CSN2: variants seen among roughly 807,000 people sequenced by gnomAD.
CSN2 encodes the protein beta-casein.
Under a neutral mutation model 27.3 loss-of-function variants are expected in CSN2, and 27 were observed. That is an observed-to-expected ratio of 0.99 (90% CI 0.73 to 1.36). CSN2 has a LOEUF of 1.36. Among genes scored for constraint, CSN2 ranks in the 40% most tolerant of loss-of-function variants. The pLI, the probability that CSN2 is intolerant of heterozygous loss-of-function variation, is 0.00. For missense variants in CSN2, 333 were observed against 264.5 expected, an observed-to-expected ratio of 1.26 and a Z score of -1.80; for synonymous variants, 131 against 94.8, an observed-to-expected ratio of 1.38 and a Z score of -2.22.
intron 1 of CSN2, among the ~76,000 whole-genome samples, chr4:69,964,627 C>T (rs187772763): frequency 6.6e-6 from 1 of 151,048 alleles, no homozygotes; most frequent in African/African-American, 2.4e-5. Context: ...CTATAAGTTC[C>T]CAAATTTTTA....
intron 5 of CSN2, among the ~76,000 whole-genome samples, chr4:69,958,650 C>G (rs902625004): frequency 6.6e-6 from 1 of 151,914 alleles, no homozygotes; most frequent in East Asian, 1.9e-4. Context: ...CCAATGTGTA[C>G]TTGTTGAAAA....
intron 1 of CSN2, among the ~76,000 whole-genome samples, chr4:69,963,021 C>A (rs1390224535): frequency 1.3e-5 from 2 of 152,056 alleles, no homozygotes; most frequent in Non-Finnish European, 2.9e-5. Flanking sequence ...AAATGCAAAT[C>A]AAAACCACAA....
chr4:69,956,851 A>T (rs1723411965), intron 6 of CSN2, among the ~76,000 whole-genome samples: 1 of 152,180 alleles, frequency 6.6e-6, no homozygotes, highest in Non-Finnish European at 1.5e-5. Flanking sequence ...AACTAGAACA[A>T]TTATATCAGA....
At chr4:69,959,096 G>T in intron 3 of CSN2, 27 bp from the exon 4 acceptor site, 1 of 1,275,924 alleles carries the variant, frequency 7.8e-7, no homozygotes, top group Non-Finnish European at 1.1e-6. Context: ...AATAAAATTA[G>T]GTTTAGTTTT....
In CSN2 at chr4:69,960,962, G is replaced by C; in HGVS notation, c.34C>G (p.Leu12Val). 6.2e-7 allele frequency: 1 copy of C among 1,612,854 alleles called. No individual in the cohort carries two copies. Among genetic ancestry groups the C allele is most frequent in the Non-Finnish European group, 8.5e-7 (1 of 1,179,234 alleles). The change falls in exon 2 of 8, where the codon CTT becomes GTT. Residue 12 changes from leucine to valine, a missense_variant. Leu to Val is a conservative substitution (Grantham distance 32). Transcript: ENST00000353151. ...GCACATACCTCCCTTGCAAGAGCAAGAGCCACCAGGCAGGCGAGGATGAGG... is the reference window on the plus strand; with the variant it reads ...GCACATACCTCCCTTGCAAGAGCAACAGCCACCAGGCAGGCGAGGATGAGG... The part of the protein sequence containing the change: ...KVLILACLVA[L>V]ALARETIESL...
Position 69,957,794 on chromosome 4 carries a change from T to C in CSN2, c.155A>G (p.Gln52Arg). Residue 52 changes from glutamine (Q) to arginine (R), a missense_variant, in exon 6 of 8, where the codon CAG becomes CGG. Physicochemically the swap from Gln to Arg is conservative, Grantham distance 43 (BLOSUM62 1). Coordinates refer to ENST00000353151, the MANE Select transcript of CSN2 (RefSeq NM_001891.4). ...CTGGAAAGAGGGGTAGATTTTATCCTGGTGTTCATCCTGGAAAGAAGGAAA... is the reference window on the plus strand; with the variant it reads ...CTGGAAAGAGGGGTAGATTTTATCCCGGTGTTCATCCTGGAAAGAAGGAAA... Reference protein sequence around the residue: ...EDQQQGEDEHQDKIYPSFQPQ... With the variant: ...EDQQQGEDEHRDKIYPSFQPQ... 1 of 1,612,172 alleles carries C rather than the reference T, an allele frequency of 6.2e-7. No individual in the cohort carries two copies. Among genetic ancestry groups the C allele is most frequent in the South Asian group, 1.1e-5 (1 of 90,944 alleles).
intron 3 of CSN2, 71 bp from the exon 4 acceptor site, chr4:69,959,140 TA>T: frequency 9.3e-7 from 1 of 1,075,428 alleles, no homozygotes; most frequent in Non-Finnish European, 1.3e-6. Flanking sequence ...AATCAGGAAA[TA>T]AAGGCATTAA....
Position 69,956,328 on chromosome 4 carries a change from G to A in CSN2, c.*22C>T. 7.1e-7 allele frequency: 1 copy of A among 1,403,034 alleles called. No individual in the cohort carries two copies. The highest frequency in any genetic ancestry group is 9.4e-7 in the Non-Finnish European group (1 of 1,060,890). 86.9% of individuals were successfully genotyped at this position (1,403,034 alleles called of 1,614,324 possible). On this transcript the variant is annotated 3_prime_UTR_variant, in exon 7 of 8. Transcript: ENST00000353151. The stretch of plus-strand genomic sequence containing the variant: ...CCAAAACTTACCAAAAATAAGGAGG[G>A]AAAATTAACTTTGAAATCTTCTTAG...
Position 69,957,446 on chromosome 4 carries a change from A to G in CSN2, c.503T>C (p.Leu168Pro), listed in dbSNP as rs1723436425. 1 of 1,613,682 alleles carries G rather than the reference A, an allele frequency of 6.2e-7. No homozygotes were observed. The highest frequency in any genetic ancestry group is 8.5e-7 in the Non-Finnish European group (1 of 1,179,880). ...PQTLALPPQP[L>P]WSVPQPKVLP... is the part of the protein sequence containing the mutation. ...GACTTTGGGCTGAGGAACAGACCAC[A>G]GGGGCTGAGGGGGAAGTGCAAGAGT... The change falls in exon 6 of 8, where the codon CTG becomes CCG. Residue 168 changes from leucine to proline, a missense_variant. Coordinates refer to ENST00000353151, the MANE Select transcript of CSN2 (RefSeq NM_001891.4).
rs958193984 is a variant in CSN2, at chr4:69,960,069, C to A, written c.62G>T (p.Ser21Ile). 4.3e-6 allele frequency: 7 copies of A among 1,611,424 alleles called. No homozygotes were observed. The highest frequency in any genetic ancestry group is 5.9e-6 in the Non-Finnish European group (7 of 1,178,578). The stretch of plus-strand genomic sequence containing the variant: ...TTAACTTACCTCACTGCTTGAAAGG[C>A]TTTCTATGGTCTGTGGGAAAAAAAA... ...ALALARETIE[S>I]LSSSEESITE... The change falls in exon 3 of 8, where the codon AGC (serine) becomes ATC (isoleucine). Residue 21 changes from serine to isoleucine, a missense_variant. Coordinates refer to ENST00000353151, the MANE Select transcript of CSN2 (RefSeq NM_001891.4).
Position 69,957,664 on chromosome 4 carries a change from C to T in CSN2, c.285G>A (p.Gln95=), listed in dbSNP as rs1265509924. The T allele has an allele frequency of 6.2e-7, 1 of 1,613,928 alleles. No individual in the cohort carries two copies. Among genetic ancestry groups the T allele is most frequent in the Non-Finnish European group, 8.5e-7 (1 of 1,179,990 alleles). ...CTTTAGGGACTTCCATTATTTCAGG[C>T]TGAGGGACAGGCAGCACCACAGCAG... The part of the protein sequence containing the change: ...AQPAVVLPVP[Q]PEIMEVPKAK... The change falls in exon 6 of 8, where the codon CAG becomes CAA. Residue 95 remains glutamine (Q), a synonymous_variant. Transcript: ENST00000353151.
chr4:69,958,245 G>A (rs1723466220), intron 5 of CSN2, among the ~76,000 whole-genome samples: 1 of 151,970 alleles, frequency 6.6e-6, no homozygotes, highest in African/African-American at 2.4e-5. Context: ...GTTTTGTTTT[G>A]GTTTGATGAA....
intron 3 of CSN2, 23 bp from the exon 4 acceptor site, chr4:69,959,092 A>G (rs1723489811): frequency 3.1e-6 from 4 of 1,300,002 alleles, no homozygotes; most frequent in Admixed American, 4.8e-5. Context: ...ATAAAATAAA[A>G]TTAGGTTTAG....
At chr4:69,956,231 T>A in intron 7 of CSN2, 83 bp downstream of exon 7, 1 of 985,160 alleles carries the variant, frequency 1.0e-6, no homozygotes, top group South Asian at 4.2e-5. Flanking sequence ...TTTCACTGTA[T>A]TGGACTTCTC....
chr4:69,959,914 T>G, intron 3 of CSN2, 139 bp downstream of exon 3: 1 of 655,876 alleles, frequency 1.5e-6, no homozygotes, highest in Non-Finnish European at 2.6e-6. Flanking sequence ...TTATTGTCCT[T>G]AAACACACAT....
In CSN2 at chr4:69,961,019, GA is replaced by G. The variant is rs760790800; in HGVS notation, c.-12-13del. The G allele has an allele frequency of 1.2e-6, 2 of 1,600,782 alleles. No individual in the cohort carries two copies. Among genetic ancestry groups the G allele is most frequent in the Non-Finnish European group, 1.7e-6 (2 of 1,169,484 alleles). On this transcript the variant is annotated splice_polypyrimidine_tract_variant and intron_variant, in intron 1 of 7. Transcript: ENST00000353151. ...ATGGCTACTAAGTCCTGTGAATGTAGAAAAAATGGAATGGTGGAAGATTGGT... is the reference window on the plus strand; with the variant it reads ...ATGGCTACTAAGTCCTGTGAATGTAGAAAAATGGAATGGTGGAAGATTGGT...
chr4:69,957,528 G>C lies in CSN2; in HGVS notation c.421C>G (p.Leu141Val). The change falls in exon 6 of 8, where the codon CTT becomes GTT. Residue 141 changes from leucine to valine, a missense_variant. By Grantham distance (32) the Leu-to-Val change is conservative. Coordinates refer to ENST00000353151, the MANE Select transcript of CSN2 (RefSeq NM_001891.4). ...AAGGGCTGGAGCAGAGGCAGAGGAA[G>C]ATGCAGATTTTCAAGATCAGTGAGT... ...PKLTDLENLH[L>V]PLPLLQPLMQ... 3 of 1,613,928 alleles carry C rather than the reference G, an allele frequency of 1.9e-6. No individual in the cohort carries two copies. The highest frequency in any genetic ancestry group is 1.7e-4 in the Middle Eastern group (1 of 6,060).
At chr4:69,960,425 G>GT (rs1366352317) in intron 2 of CSN2, among the ~76,000 whole-genome samples, 2 of 150,758 alleles carry the variant, frequency 1.3e-5, no homozygotes, top group Non-Finnish European at 3.0e-5. Flanking sequence ...TAAAGACAGA[G>GT]TTTTTTATGG....
chr4:69,963,515 C>T (rs1723678053), intron 1 of CSN2, among the ~76,000 whole-genome samples: 2 of 151,810 alleles, frequency 1.3e-5, no homozygotes, highest in Admixed American at 1.3e-4. Flanking sequence ...CATGTTCTCA[C>T]TCATAGGTGG....
Sources: allele counts gnomAD v4.1 joint callset (sites outside exome capture counted in the v4.1 genomes callset), GRCh38; gene constraint gnomAD v4.1.1; transcripts MANE v1.5; gene names NCBI Gene and HGNC (gene_info 2026-07-23, HGNC 2026-07-21).